The following PCDHGA6 variants were observed in gnomAD, a reference collection of about 807,000 sequenced individuals.
The protein encoded by PCDHGA6 is protocadherin gamma subfamily A, 6.
Under a neutral mutation model 60.6 loss-of-function variants are expected in PCDHGA6, and 41 were observed. That is an observed-to-expected ratio of 0.68 (90% CI 0.53 to 0.88). The LOEUF is 0.88. Among genes scored for constraint, PCDHGA6 ranks in the 40% least tolerant of loss-of-function variants. The probability of loss-of-function intolerance (pLI) is 0.00; values close to 1 mark genes in which losing one functional copy is unlikely to be tolerated. For missense variants in PCDHGA6, 1,312 were observed against 1,203.0 expected (o/e 1.09, Z -1.34); for synonymous variants, 594 against 524.4 (o/e 1.13, Z -1.81).
chr5:141,394,347 G>C (rs770737407), intron 1 of PCDHGA6: 1 of 1,614,118 alleles, frequency 6.2e-7, no homozygotes, highest in Non-Finnish European at 8.5e-7. Flanking sequence ...CTCTGACACC[G>C]GTGTCCTGTA....
chr5:141,415,078 GC>G (rs2095826068), intron 1 of PCDHGA6: 1 of 1,613,376 alleles, frequency 6.2e-7, no homozygotes, highest in Non-Finnish European at 8.5e-7. Flanking sequence ...CACGGCGCGA[GC>G]CCTGCTGGAC....
Position 141,432,220 on chromosome 5 carries a change from C to T in PCDHGA6, c.2424+55713C>T. The T allele has an allele frequency of 6.2e-7, 1 of 1,614,246 alleles. No homozygotes were observed. Among genetic ancestry groups the T allele is most frequent in the Non-Finnish European group, 8.5e-7 (1 of 1,180,040 alleles). Reference sequence around the variant, plus strand: ...CCGACTGTGAAGAGAACGCCCAGATCACTTATTCCCTGGCTGAGAACACCA... The same window carrying T: ...CCGACTGTGAAGAGAACGCCCAGATTACTTATTCCCTGGCTGAGAACACCA... On this transcript the variant is annotated intron_variant, in intron 1 of 3. Coordinates refer to ENST00000517434, the MANE Select transcript of PCDHGA6 (RefSeq NM_018919.3). The surrounding 1 kb of genome is among the most constrained non-coding windows in gnomAD (Gnocchi z 6.0).
At chr5:141,419,084 G>A in intron 1 of PCDHGA6, 2 of 1,613,920 alleles carry the variant, frequency 1.2e-6, no homozygotes, top group Non-Finnish European at 1.7e-6. Flanking sequence ...AACAGATGAG[G>A]CCCTGGATCG....
intron 1 of PCDHGA6, chr5:141,410,350 A>G (rs2154543015): frequency 1.2e-6 from 2 of 1,613,912 alleles, no homozygotes; most frequent in South Asian, 1.1e-5. Context: ...TGCGCCTGCG[A>G]CGCTCTCTCA....
At position 141,410,013 on chromosome 5, in the gene PCDHGA6, T is replaced by A. The variant is rs770463619; in HGVS notation, c.2424+33506T>A. On this transcript the variant is annotated intron_variant, in intron 1 of 3. Coordinates refer to ENST00000517434, the MANE Select transcript of PCDHGA6 (RefSeq NM_018919.3). ...GCCGACTCGGGACACAACGCCTGGC[T>A]GTCCTACCACGTGCTGCAGGCCAGT... 1 of 1,613,296 alleles carries A rather than the reference T, an allele frequency of 6.2e-7. No individual in the cohort carries two copies. Among genetic ancestry groups the A allele is most frequent in the East Asian group, 2.2e-5 (1 of 44,870 alleles).
rs576464275 is a variant in PCDHGA6, at chr5:141,448,784, CA to C, written c.2425-46012del. ...TGAAACCCCGTCTGTACTAAAAATA[CA>C]AAAAAAAAAATTAGCCAGGCGTGAT... On this transcript the variant is annotated intron_variant, in intron 1 of 3. Coordinates refer to ENST00000517434, the MANE Select transcript of PCDHGA6 (RefSeq NM_018919.3). Among the ~76,000 whole-genome samples, 323 of 145,522 alleles carry C rather than the reference CA, an allele frequency of 2.2e-3. 2 individuals are homozygous for C. The highest frequency in any genetic ancestry group is 5.9e-3 in the African/African-American group (238 of 40,012).
At position 141,476,402 on chromosome 5, in the gene PCDHGA6, G is replaced by A. The variant is rs775511298; in HGVS notation, c.2425-18405G>A. The stretch of plus-strand genomic sequence containing the variant: ...TGTGAACGACCGTCTGGATCGAGAG[G>A]AGCTGTGTGGGACACTGCCCTCTTG... On this transcript the variant is annotated intron_variant, in intron 1 of 3. Coordinates refer to ENST00000517434, the MANE Select transcript of PCDHGA6 (RefSeq NM_018919.3). This position sits in a 1 kb window ranked among gnomAD's most constrained non-coding sequence, Gnocchi z 7.6. 9 of 1,613,992 alleles carry A rather than the reference G, an allele frequency of 5.6e-6. No individual in the cohort carries two copies. Among genetic ancestry groups the A allele is most frequent in the African/African-American group, 1.3e-5 (1 of 74,904 alleles).
At chr5:141,384,379 G>C in intron 1 of PCDHGA6, 1 of 1,613,934 alleles carries the variant, frequency 6.2e-7, no homozygotes, top group Non-Finnish European at 8.5e-7. Flanking sequence ...CTTGGCCGAA[G>C]ACACCATCCA....
Position 141,398,834 on chromosome 5 carries a change from A to G in PCDHGA6, c.2424+22327A>G, listed in dbSNP as rs201953825. On this transcript the variant is annotated intron_variant, in intron 1 of 3. Transcript: ENST00000517434. Reference sequence around the variant, plus strand: ...CTCCGGATCCAGGTAACCGACGCCAATGATAATCCCCCGGTATTCAACCGA... The same window carrying G: ...CTCCGGATCCAGGTAACCGACGCCAGTGATAATCCCCCGGTATTCAACCGA... The G allele has an allele frequency of 3.9e-4, 623 of 1,614,014 alleles. 4 individuals are homozygous for G. In the South Asian group the frequency reaches 4.2e-3, roughly 11 times the overall value.
intron 1 of PCDHGA6, chr5:141,400,636 G>C: frequency 7.5e-7 from 1 of 1,325,762 alleles, no homozygotes; most frequent in Non-Finnish European, 1.1e-6. Context: ...AGTCAGAGCT[G>C]CTCAGAAAGC....
chr5:141,475,950 C>A, intron 1 of PCDHGA6: 1 of 761,530 alleles, frequency 1.3e-6, no homozygotes, highest in African/African-American at 1.7e-5. Flanking sequence ...CCCCTTTCTG[C>A]GCCCCGGGAT....
At chr5:141,472,323 C>T (rs980684595) in intron 1 of PCDHGA6, among the ~76,000 whole-genome samples, 4 of 151,498 alleles carry the variant, frequency 2.6e-5, no homozygotes, top group East Asian at 2.0e-4. Flanking sequence ...AGGCAGATCA[C>T]GAGGTTGGGA....
chr5:141,422,069 C>A, intron 1 of PCDHGA6: 3 of 1,611,836 alleles, frequency 1.9e-6, no homozygotes, highest in Non-Finnish European at 2.5e-6. Flanking sequence ...GTAATGTATT[C>A]ATTTCGGAAC....
At chr5:141,457,736 T>G (rs1265562501) in intron 1 of PCDHGA6, among the ~76,000 whole-genome samples, 1 of 152,254 alleles carries the variant, frequency 6.6e-6, no homozygotes, top group African/African-American at 2.4e-5. Flanking sequence ...AGATTAGACT[T>G]TTAAAGCTGA....
chr5:141,492,316 G>C (rs1283387204), intron 1 of PCDHGA6, among the ~76,000 whole-genome samples: 1 of 152,190 alleles, frequency 6.6e-6, no homozygotes. Context: ...CGCACTCCTC[G>C]CACGTGGGCT....
chr5:141,471,065 T>C (rs1355886133), intron 1 of PCDHGA6, among the ~76,000 whole-genome samples: 3 of 148,628 alleles, frequency 2.0e-5, no homozygotes, highest in Non-Finnish European at 3.0e-5. Context: ...TTTTTTTTTT[T>C]TGAGACAGGG....
At chr5:141,482,611 G>A (rs1016481108) in intron 1 of PCDHGA6, among the ~76,000 whole-genome samples, 3 of 150,398 alleles carry the variant, frequency 2.0e-5, no homozygotes, top group African/African-American at 7.4e-5. Context: ...ACACCTAAAT[G>A]AGCCTGGAGA....
intron 1 of PCDHGA6, chr5:141,383,561 C>A: frequency 5.0e-6 from 8 of 1,613,196 alleles, no homozygotes; most frequent in Non-Finnish European, 6.8e-6. Context: ...GGCGACCCGC[C>A]CCGATCCAGC....
intron 1 of PCDHGA6, chr5:141,389,468 C>T (rs772524229): frequency 1.2e-6 from 2 of 1,613,294 alleles, no homozygotes; most frequent in East Asian, 2.2e-5. Context: ...CCTTCGAACT[C>T]ACACTGCAGG....
Sources: gnomAD v4.1 joint callset for allele counts (sites outside exome capture counted in the v4.1 genomes callset) on GRCh38, gnomAD v4.1.1 for gene constraint, Gnocchi (gnomAD v3.1) non-coding constraint, MANE v1.5 for transcripts, NCBI Gene and HGNC (gene_info 2026-07-23, HGNC 2026-07-21) for gene names.